The following PLK4 variants were observed in gnomAD, a reference collection of about 807,000 sequenced individuals.
PLK4 encodes polo like kinase 4, also known as serine/threonine-protein kinase PLK4.
PLK4 carries 51 observed loss-of-function variants against 103.0 expected under a neutral mutation model. The observed-to-expected ratio is 0.50, with a 90% CI of 0.40 to 0.63. PLK4 has a LOEUF of 0.63. PLK4 is among the 20% of genes least tolerant of loss of function. The probability of loss-of-function intolerance (pLI) is 0.00; values close to 1 mark genes in which losing one functional copy is unlikely to be tolerated. For synonymous variants in PLK4, 389 were observed against 376.8 expected, an observed-to-expected ratio of 1.03 and a Z score of -0.38; for missense variants, 1,054 against 1,151.0, an observed-to-expected ratio of 0.92 and a Z score of 1.22.
At chr4:127,891,425 TAAA>T (rs1312560645) in intron 8 of PLK4, among the ~76,000 whole-genome samples, 151 bp from the exon 9 acceptor site, 2 of 151,904 alleles carry the variant, frequency 1.3e-5, no homozygotes, top group Non-Finnish European at 2.9e-5. Flanking sequence ...TGGTTTAAGT[TAAA>T]AAGCAAAAAA....
In PLK4 at chr4:127,881,175, T is replaced by G. The variant is rs757576697; in HGVS notation, c.30+11T>G. The G allele has an allele frequency of 1.2e-6, 2 of 1,613,688 alleles. No homozygotes were observed. Among genetic ancestry groups the G allele is most frequent in the Non-Finnish European group, 1.7e-6 (2 of 1,179,956 alleles). ...GGGGAGAAGATCGAGGTGAAAAGAC[T>G]CGGCAGTCTGCAGCGGGGCGGGTGG... On this transcript the variant is annotated intron_variant, in intron 1 of 15. Transcript: ENST00000270861.
chr4:127,884,275 G>A (rs1048801712), intron 4 of PLK4, among the ~76,000 whole-genome samples: 9 of 152,196 alleles, frequency 5.9e-5, no homozygotes, highest in Admixed American at 1.3e-4. Flanking sequence ...TGCTAACTGA[G>A]ATTACAGACA....
rs201599157 is a variant in PLK4, at chr4:127,886,303, A to T, written c.933A>T (p.Arg311Ser). 1 of 1,613,932 alleles carries T rather than the reference A, an allele frequency of 6.2e-7. No individual in the cohort carries two copies. The highest frequency in any genetic ancestry group is 2.2e-5 in the East Asian group (1 of 44,880). ...SISGSLFDKRRLLIGQPLPNK... is the reference protein window; with the variant it reads ...SISGSLFDKRSLLIGQPLPNK... ...GTGGTAGTTTATTTGACAAAAGAAG[A>T]CTTTTGATTGGTCAGCCACTCCCAA... The change falls in exon 5 of 16, where the codon AGA (arginine) becomes AGT (serine). Residue 311 changes from arginine (R) to serine (S), a missense_variant. Physicochemically the swap from Arg to Ser is moderately radical, Grantham distance 110. Around this residue, in one of 4 missense-constraint regions of PLK4, gnomAD observed 680 missense variants for 660.3 expected, o/e 1.03. Coordinates refer to ENST00000270861, the MANE Select transcript of PLK4 (RefSeq NM_014264.5).
chr4:127,886,519 C>T lies in PLK4; in HGVS notation c.1149C>T (p.Gly383=), dbSNP rs1166545576. Residue 383 remains glycine (G), a synonymous_variant, in exon 5 of 16, where the codon GGC becomes GGT. Transcript: ENST00000270861. ...LRRAYSSDRS[G]TSNSQSQAKT... ...GAGCTTATTCCTCTGATAGATCTGG[C>T]ACTTCTAATAGTCAGTCTCAAGCAA... is the stretch of plus-strand genomic sequence containing the variant. 6 of 1,613,630 alleles carry T rather than the reference C, an allele frequency of 3.7e-6. No homozygotes were observed. The Admixed American group carries it at 8.3e-5, about 22-fold the overall frequency.
Position 127,893,578 on chromosome 4 carries a change from T to TC in PLK4, c.2391dup (p.Phe798LeufsTer12). The TC allele has an allele frequency of 6.2e-7, 1 of 1,611,962 alleles. No homozygotes were observed. Among genetic ancestry groups the TC allele is most frequent in the Non-Finnish European group, 8.5e-7 (1 of 1,178,482 alleles). On this transcript the variant is annotated frameshift_variant, in exon 12 of 16. Coordinates refer to ENST00000270861, the MANE Select transcript of PLK4 (RefSeq NM_014264.5). LOFTEE classifies it high-confidence loss of function. ...AAGAGGAAAGGAAAACTAGGAGTGCTCCCTTTTTCCCAATAATCATAGGAA... is the reference window on the plus strand; with the variant it reads ...AAGAGGAAAGGAAAACTAGGAGTGCTCCCCTTTTTCCCAATAATCATAGGAA...
At chr4:127,891,557 T>C (rs756940671) in intron 8 of PLK4, 22 bp from the exon 9 acceptor site, 2 of 1,180,650 alleles carry the variant, frequency 1.7e-6, no homozygotes, top group Non-Finnish European at 2.4e-6. Flanking sequence ...GTAATTAGAA[T>C]TTTAAAAAAA....
intron 6 of PLK4, among the ~76,000 whole-genome samples, chr4:127,887,911 G>A (rs1735198262): frequency 6.8e-6 from 1 of 147,148 alleles, no homozygotes; most frequent in African/African-American, 2.5e-5. Context: ...CAGGCGTGGT[G>A]GCTCATGCCT....
Position 127,886,211 on chromosome 4 carries a change from G to A in PLK4, c.841G>A (p.Asp281Asn), listed in dbSNP as rs1039076183. Residue 281 changes from aspartate to asparagine, a missense_variant, in exon 5 of 16, where the codon GAC becomes AAC. Asp to Asn is a conservative substitution (Grantham distance 23). Transcript: ENST00000270861. ...TKSKDLGTVE[D>N]SIDSGHATIS... is the part of the protein sequence containing the mutation. ...AAGTAAAGATTTAGGAACTGTGGAA[G>A]ACTCAATTGATAGTGGGCATGCCAC... The A allele has an allele frequency of 6.8e-6, 11 of 1,614,000 alleles. No homozygotes were observed. The Admixed American group carries it at 1.7e-4, about 24-fold the overall frequency.
Position 127,886,163 on chromosome 4 carries a change from A to G in PLK4, c.793A>G (p.Met265Val), listed in dbSNP as rs377756201. The G allele has an allele frequency of 3.7e-6, 6 of 1,614,014 alleles. No individual in the cohort carries two copies. Among genetic ancestry groups the G allele is most frequent in the Non-Finnish European group, 4.2e-6 (5 of 1,179,918 alleles). Reference sequence around the variant, plus strand: ...GTCTTCAGTATTGGACCATCCTTTTATGTCCCGAAATTCTTCAACAAAAAG... The same window carrying G: ...GTCTTCAGTATTGGACCATCCTTTTGTGTCCCGAAATTCTTCAACAAAAAG... Reference protein sequence around the residue: ...SLSSVLDHPFMSRNSSTKSKD... With the variant: ...SLSSVLDHPFVSRNSSTKSKD... The change falls in exon 5 of 16, where the codon ATG (methionine) becomes GTG (valine). Residue 265 changes from methionine (M) to valine (V), a missense_variant. Around this residue, in one of 4 missense-constraint regions of PLK4, gnomAD observed 680 missense variants for 660.3 expected, o/e 1.03. Coordinates refer to ENST00000270861, the MANE Select transcript of PLK4 (RefSeq NM_014264.5).
chr4:127,897,824 C>CTGTTTT (rs1735626521), intron 15 of PLK4, among the ~76,000 whole-genome samples: 4 of 28,804 alleles, frequency 1.4e-4, no homozygotes, highest in Non-Finnish European at 1.9e-4. Flanking sequence ...AGAATTAGGG[C>CTGTTTT]TTTTTTTTTT....
In PLK4 at chr4:127,890,254, T is replaced by C. The variant is rs1249827114; in HGVS notation, c.1830+18T>C. On this transcript the variant is annotated intron_variant, in intron 7 of 15. Coordinates refer to ENST00000270861, the MANE Select transcript of PLK4 (RefSeq NM_014264.5). The stretch of plus-strand genomic sequence containing the variant: ...AGGCTGTGGTATGTCTGTTATCTTC[T>C]TAAGTTACTAAATAACATTTTACTT... 2 of 1,554,196 alleles carry C rather than the reference T, an allele frequency of 1.3e-6. No homozygotes were observed. The highest frequency in any genetic ancestry group is 1.7e-6 in the Non-Finnish European group (2 of 1,150,578).
At chr4:127,892,631 A>G (rs1158148218) in intron 10 of PLK4, 117 bp downstream of exon 10, 5 of 706,496 alleles carry the variant, frequency 7.1e-6, no homozygotes, top group Non-Finnish European at 1.2e-5. Flanking sequence ...GTATATAACT[A>G]TACATATAAA....
At position 127,890,245 on chromosome 4, in the gene PLK4, G is replaced by A; in HGVS notation, c.1830+9G>A. 2.5e-6 allele frequency: 4 copies of A among 1,570,306 alleles called. No individual in the cohort carries two copies. Among genetic ancestry groups the A allele is most frequent in the East Asian group, 4.5e-5 (2 of 44,410 alleles). ...AAACCAAAAAGGCTGTGGTATGTCT[G>A]TTATCTTCTTAAGTTACTAAATAAC... On this transcript the variant is annotated intron_variant, in intron 7 of 15. Coordinates refer to ENST00000270861, the MANE Select transcript of PLK4 (RefSeq NM_014264.5).
intron 4 of PLK4, among the ~76,000 whole-genome samples, 184 bp from the exon 5 acceptor site, chr4:127,885,524 G>A (rs577130092): frequency 3.3e-5 from 5 of 151,724 alleles, no homozygotes; most frequent in African/African-American, 1.2e-4. Flanking sequence ...CTTTAGAGGG[G>A]TGTGTTGGTA....
At chr4:127,891,501 C>T (rs769150882) in intron 8 of PLK4, 78 bp from the exon 9 acceptor site, 4 of 543,894 alleles carry the variant, frequency 7.4e-6, no homozygotes, top group Non-Finnish European at 9.9e-6. Context: ...CATTTAAACA[C>T]TTTGTATACG....
Position 127,885,756 on chromosome 4 carries a change from C to T in PLK4, c.386C>T (p.Ser129Phe). The change falls in exon 5 of 16, where the codon TCT (serine) becomes TTT (phenylalanine). Residue 129 changes from serine to phenylalanine, a missense_variant. By Grantham distance (155) the Ser-to-Phe change is radical (BLOSUM62 -2). Transcript: ENST00000270861. ...QIITGMLYLH[S>F]HGILHRDLTL... ...ATCACAGGGATGTTGTATCTTCATT[C>T]TCATGGTATACTACACCGGGACCTC... is the stretch of plus-strand genomic sequence containing the variant. The T allele has an allele frequency of 6.2e-7, 1 of 1,613,120 alleles. No homozygotes were observed. Among genetic ancestry groups the T allele is most frequent in the Non-Finnish European group, 8.5e-7 (1 of 1,179,198 alleles).
intron 13 of PLK4, among the ~76,000 whole-genome samples, chr4:127,894,686 G>A (rs1047808247): frequency 2.6e-5 from 4 of 152,094 alleles, no homozygotes; most frequent in Non-Finnish European, 5.9e-5. Flanking sequence ...ATATTTGTGT[G>A]TACTCACCCA....
rs575867220 is a variant in PLK4 at position 127,891,377 on chromosome 4, T to A, written c.1935+181T>A. On this transcript the variant is annotated intron_variant, in intron 8 of 15. Coordinates refer to ENST00000270861, the MANE Select transcript of PLK4 (RefSeq NM_014264.5). ...CATATTTAAATAAATTGGTGCAGTGTTAAAAATAATTATATCTAGTAAGAA... is the reference window on the plus strand; with the variant it reads ...CATATTTAAATAAATTGGTGCAGTGATAAAAATAATTATATCTAGTAAGAA... Among the ~76,000 whole-genome samples the A allele has an allele frequency of 4.6e-5, 7 of 152,050 alleles. 1 individual carries two copies. In the South Asian group the frequency reaches 1.2e-3, roughly 27 times the overall value.
chr4:127,889,141 T>C (rs532916225), intron 6 of PLK4, among the ~76,000 whole-genome samples: 40 of 151,842 alleles, frequency 2.6e-4, no homozygotes, highest in Non-Finnish European at 4.6e-4. Flanking sequence ...ATAAGGAGAG[T>C]GGGGGGAAAG....
Sources: allele counts gnomAD v4.1 joint callset (sites outside exome capture counted in the v4.1 genomes callset), GRCh38; gene constraint gnomAD v4.1.1; regional missense constraint gnomAD v4.1.1; transcripts MANE v1.5; gene names NCBI Gene and HGNC (gene_info 2026-07-23, HGNC 2026-07-21).